Variants in TFDP2 observed in about 807,000 individuals in gnomAD.
The protein encoded by TFDP2 is transcription factor Dp-2 (E2F dimerization partner 2).
In TFDP2, 17 loss-of-function variants were observed where a neutral mutation model predicts 59.3. The observed-to-expected ratio is 0.29, with a 90% CI of 0.20 to 0.43. The LOEUF is 0.43. Among genes scored for constraint, TFDP2 ranks in the 20% least tolerant of loss-of-function variants. TFDP2 has a pLI of 1.00. For missense variants in TFDP2, 391 were observed against 528.8 expected, an observed-to-expected ratio of 0.74 and a Z score of 2.56; for synonymous variants, 180 against 194.7, an observed-to-expected ratio of 0.92 and a Z score of 0.63.
chr3:142,105,586 T>C (rs2061444637), intron 1 of TFDP2, among the ~76,000 whole-genome samples: 1 of 152,204 alleles, frequency 6.6e-6, no homozygotes, highest in Admixed American at 6.6e-5. Context: ...GCTGGGCTAA[T>C]GAGGGTCACT....
intron 3 of TFDP2, among the ~76,000 whole-genome samples, chr3:142,083,425 G>A (rs2060706865): frequency 6.6e-6 from 1 of 152,054 alleles, no homozygotes; most frequent in African/African-American, 2.4e-5. Context: ...AATGTCCACA[G>A]TACCCAAGGC....
At chr3:141,984,518 A>G (rs575516289) in intron 6 of TFDP2, among the ~76,000 whole-genome samples, 43 of 152,298 alleles carry the variant, frequency 2.8e-4, no homozygotes, top group Admixed American at 5.2e-4. Context: ...AAGATATTGT[A>G]TGATTCCACT....
At chr3:142,068,741 T>C (rs2060149455) in intron 3 of TFDP2, among the ~76,000 whole-genome samples, 1 of 151,870 alleles carries the variant, frequency 6.6e-6, no homozygotes, top group Non-Finnish European at 1.5e-5. Flanking sequence ...TAATTTTTCG[T>C]AGAGACAGGG....
intron 1 of TFDP2, among the ~76,000 whole-genome samples, chr3:142,142,593 G>GA (rs1426466489): frequency 6.6e-6 from 1 of 152,138 alleles, no homozygotes; most frequent in East Asian, 1.9e-4. Flanking sequence ...CACAGAAATA[G>GA]AAAAAACCAT....
chr3:141,985,794 G>A lies in TFDP2; in HGVS notation c.357-7112C>T, dbSNP rs564758059. ...AAACATCAAAATTAAAAACATTTGT[G>A]CCTCAAAAGACACCATTAAGAATGA... On this transcript the variant is annotated intron_variant, in intron 6 of 12. Transcript: ENST00000489671. Among the ~76,000 whole-genome samples, 3 of 152,208 alleles carry A rather than the reference G, an allele frequency of 2.0e-5. No homozygotes were observed. In the East Asian group the frequency reaches 5.8e-4, roughly 29 times the overall value.
chr3:142,122,488 A>C (rs2062083860), intron 1 of TFDP2, among the ~76,000 whole-genome samples: 1 of 152,216 alleles, frequency 6.6e-6, no homozygotes, highest in Non-Finnish European at 1.5e-5. Context: ...TATCATGCAG[A>C]AAGTTTCCTG....
At chr3:141,956,349 C>T (rs1335303788) in intron 11 of TFDP2, among the ~76,000 whole-genome samples, 1 of 151,970 alleles carries the variant, frequency 6.6e-6, no homozygotes, top group Non-Finnish European at 1.5e-5. Flanking sequence ...GTCAGGAGTT[C>T]GAGACCAGCC....
chr3:142,015,193 CA>C (rs1293463365), intron 3 of TFDP2, among the ~76,000 whole-genome samples: 2 of 152,144 alleles, frequency 1.3e-5, no homozygotes, highest in Non-Finnish European at 2.9e-5. Flanking sequence ...CTTGGTCCTC[CA>C]ATCTCTTGTC....
At chr3:142,026,539 C>T (rs761357684) in intron 3 of TFDP2, among the ~76,000 whole-genome samples, 4 of 152,214 alleles carry the variant, frequency 2.6e-5, no homozygotes, top group Non-Finnish European at 4.4e-5. Flanking sequence ...TAAATTACTA[C>T]GAATTTTCCA....
chr3:142,051,596 T>G (rs1295384473), intron 3 of TFDP2, among the ~76,000 whole-genome samples: 1 of 151,582 alleles, frequency 6.6e-6, no homozygotes, highest in Non-Finnish European at 1.5e-5. Flanking sequence ...TGAGAACCAC[T>G]GAGCTACCAA....
At chr3:142,145,991 A>AT (rs2063159095) in intron 1 of TFDP2, among the ~76,000 whole-genome samples, 1 of 152,154 alleles carries the variant, frequency 6.6e-6, no homozygotes, top group Admixed American at 6.5e-5. Context: ...TAATAATAAA[A>AT]TTTTTTATCA....
chr3:142,102,967 G>A lies in TFDP2; in HGVS notation c.-92-1126C>T, dbSNP rs141511413. Among the ~76,000 whole-genome samples, 62 of 152,314 alleles carry A rather than the reference G, an allele frequency of 4.1e-4. No homozygotes were observed. The East Asian group carries it at 9.8e-3, about 24-fold the overall frequency. On this transcript the variant is annotated intron_variant, in intron 1 of 12. Transcript: ENST00000489671. The stretch of plus-strand genomic sequence containing the variant: ...AAGACTAAAAACTGCTGGGCGCAGC[G>A]GCTCACGCCTGTAATCCCAGCACTT...
intron 6 of TFDP2, among the ~76,000 whole-genome samples, chr3:141,986,148 C>T (rs895045254): frequency 1.3e-5 from 2 of 152,144 alleles, no homozygotes; most frequent in Non-Finnish European, 2.9e-5. Flanking sequence ...CCACAGGAGC[C>T]CACAACATGA....
chr3:141,980,602 G>T (rs1480151598), intron 6 of TFDP2, among the ~76,000 whole-genome samples: 1 of 152,078 alleles, frequency 6.6e-6, no homozygotes, highest in Non-Finnish European at 1.5e-5. Flanking sequence ...GAGTGCAGTG[G>T]TATGATCTCA....
chr3:142,134,050 A>G (rs111525800), intron 1 of TFDP2, among the ~76,000 whole-genome samples: 8 of 150,470 alleles, frequency 5.3e-5, no homozygotes, highest in East Asian at 1.9e-4. Flanking sequence ...AGAAAAAAAA[A>G]AAGAAGAAGA....
At chr3:142,125,060 GC>G (rs2062187051) in intron 1 of TFDP2, among the ~76,000 whole-genome samples, 1 of 151,884 alleles carries the variant, frequency 6.6e-6, no homozygotes, top group Non-Finnish European at 1.5e-5. Flanking sequence ...TTTTAAATTA[GC>G]CAATCGTGGT....
At chr3:142,061,324 T>C (rs2059908070) in intron 3 of TFDP2, among the ~76,000 whole-genome samples, 1 of 152,188 alleles carries the variant, frequency 6.6e-6, no homozygotes, top group African/African-American at 2.4e-5. Flanking sequence ...TACCATATAT[T>C]ACCACTGCAC....
intron 2 of TFDP2, among the ~76,000 whole-genome samples, chr3:142,093,531 C>T (rs1371494668): frequency 1.3e-5 from 2 of 151,930 alleles, no homozygotes; most frequent in African/African-American, 2.4e-5. Flanking sequence ...ATGAGCAGAA[C>T]TGAGATTTTA....
intron 3 of TFDP2, among the ~76,000 whole-genome samples, chr3:142,065,509 G>GGTGT (rs113935011): frequency 5.4e-5 from 8 of 148,250 alleles, no homozygotes; most frequent in Non-Finnish European, 1.0e-4. Flanking sequence ...TGTGTGTGTG[G>GGTGT]GTGTGTGTGT....
Sources: gnomAD v4.1 joint callset for allele counts (sites outside exome capture counted in the v4.1 genomes callset) on GRCh38, gnomAD v4.1.1 for gene constraint, MANE v1.5 for transcripts, NCBI Gene and HGNC (gene_info 2026-07-23, HGNC 2026-07-21) for gene names.